CEP290: variants seen among roughly 807,000 people sequenced by gnomAD.
CEP290 encodes the protein centrosomal protein of 290 kDa.
CEP290 carries 317 observed loss-of-function variants against 344.9 expected under a neutral mutation model. The ratio of observed to expected loss-of-function variants is 0.92; its 90% confidence interval spans 0.84 to 1.01. The LOEUF (loss-of-function observed/expected upper bound fraction) is 1.01. Among genes scored for constraint, CEP290 ranks in the 50% least tolerant of loss-of-function variants. CEP290 has a pLI of 0.00. For missense variants in CEP290, 2,754 were observed against 2,761.4 expected (o/e 1.00, Z 0.06); for synonymous variants, 932 against 895.8 (o/e 1.04, Z -0.72).
At chr12:88,072,042 T>C (rs1356909664) in intron 41 of CEP290, 116 bp from the exon 42 acceptor site, 2 of 944,180 alleles carry the variant, frequency 2.1e-6, no homozygotes, top group South Asian at 2.1e-5. Flanking sequence ...CTAGAGAATA[T>C]GTAAATATGT....
intron 39 of CEP290, among the ~76,000 whole-genome samples, 171 bp downstream of exon 39, chr12:88,078,921 G>C (rs983516656): frequency 6.6e-6 from 1 of 151,998 alleles, no homozygotes; most frequent in Non-Finnish European, 1.5e-5. Flanking sequence ...CAGTAAATGA[G>C]TATCATAAAG....
intron 41 of CEP290, among the ~76,000 whole-genome samples, chr12:88,075,368 C>T (rs572018421): frequency 3.3e-5 from 5 of 152,068 alleles, no homozygotes; most frequent in South Asian, 2.1e-4. Context: ...TTTTCTGTAC[C>T]AAAAGCTTCG....
At position 88,061,818 on chromosome 12, in the gene CEP290, G is replaced by A. The variant is rs150407470; in HGVS notation, c.6358-824C>T. 1.6e-4 allele frequency among the ~76,000 whole-genome samples: 24 copies of A among 150,134 alleles called. No individual in the cohort carries two copies. The East Asian group carries it at 4.3e-3, about 27-fold the overall frequency. On this transcript the variant is annotated intron_variant, in intron 46 of 53. Coordinates refer to ENST00000552810, the MANE Select transcript of CEP290 (RefSeq NM_025114.4). ...TTAAAAGATGGAGTCTCGCTCTGTCGCCCAGGCTGGAGTACAGTTGTGTGA... is the reference window on the plus strand; with the variant it reads ...TTAAAAGATGGAGTCTCGCTCTGTCACCCAGGCTGGAGTACAGTTGTGTGA...
At chr12:88,086,297 A>G in intron 33 of CEP290, 94 bp downstream of exon 33, 2 of 1,417,098 alleles carry the variant, frequency 1.4e-6, no homozygotes, top group Non-Finnish European at 1.9e-6. Context: ...ACAATATAAC[A>G]TCAATTAAAA....
At chr12:88,101,982 C>A (rs964091794) in intron 26 of CEP290, among the ~76,000 whole-genome samples, 1 of 152,128 alleles carries the variant, frequency 6.6e-6, no homozygotes, top group Admixed American at 6.5e-5. Flanking sequence ...CTACTCAGAA[C>A]AACGTTTTCA....
chr12:88,055,514 C>A, intron 50 of CEP290, 62 bp downstream of exon 50: 2 of 1,418,000 alleles, frequency 1.4e-6, no homozygotes, highest in South Asian at 1.4e-5. Context: ...TAAGACAATG[C>A]AAGGAACATC....
In CEP290 at chr12:88,139,683, A is replaced by T. The variant is rs563843105; in HGVS notation, c.181-119T>A. Reference sequence around the variant, plus strand: ...TGCCAGCAATGGCTGGCACATGGAGACGTTCAGTAAATATTTGCTGAATAA... The same window carrying T: ...TGCCAGCAATGGCTGGCACATGGAGTCGTTCAGTAAATATTTGCTGAATAA... On this transcript the variant is annotated intron_variant, in intron 3 of 53. Transcript: ENST00000552810. 8.7e-6 allele frequency: 6 copies of T among 690,438 alleles called. No individual in the cohort carries two copies. In the South Asian group the frequency reaches 1.9e-4, roughly 22 times the overall value. 42.8% of individuals were successfully genotyped at this position (690,438 alleles called of 1,614,324 possible). A position where few individuals can be genotyped will look rare whatever the true frequency, so the allele number is the denominator to read the frequency against.
At chr12:88,091,123 A>C (rs2037003820) in intron 29 of CEP290, among the ~76,000 whole-genome samples, 1 of 152,134 alleles carries the variant, frequency 6.6e-6, no homozygotes, top group South Asian at 2.1e-4. Flanking sequence ...TATCATATAT[A>C]ATTATCTCAA....
chr12:88,070,069 T>C (rs2035251431), intron 43 of CEP290, among the ~76,000 whole-genome samples: 1 of 152,206 alleles, frequency 6.6e-6, no homozygotes, highest in Admixed American at 6.5e-5. Flanking sequence ...TATCAGAAGA[T>C]ATAACTTGGA....
intron 26 of CEP290, among the ~76,000 whole-genome samples, chr12:88,101,595 G>A (rs2037889247): frequency 6.7e-6 from 1 of 149,100 alleles, no homozygotes; most frequent in African/African-American, 2.5e-5. Flanking sequence ...AGAGGATGCA[G>A]TAAGCGTTAA....
intron 34 of CEP290, 93 bp from the exon 35 acceptor site, chr12:88,084,945 A>T: frequency 4.9e-6 from 5 of 1,019,220 alleles, no homozygotes; most frequent in Non-Finnish European, 6.9e-6. Context: ...GCCAAAAAAA[A>T]TTCACTTTAT....
chr12:88,059,745 G>A (rs1417202303), intron 48 of CEP290, among the ~76,000 whole-genome samples, 153 bp downstream of exon 48: 2 of 152,092 alleles, frequency 1.3e-5, no homozygotes, highest in South Asian at 2.1e-4. Context: ...TTTTCATGGT[G>A]GAATGTGATG....
At chr12:88,097,610 T>TACACACAC (rs34989046) in intron 26 of CEP290, among the ~76,000 whole-genome samples, 13 of 144,326 alleles carry the variant, frequency 9.0e-5, no homozygotes, top group Non-Finnish European at 1.4e-4. Context: ...CACACACACA[T>TACACACAC]ACACACACAC....
intron 46 of CEP290, among the ~76,000 whole-genome samples, chr12:88,062,067 C>A (rs1337172553): frequency 6.6e-6 from 1 of 152,194 alleles, no homozygotes; most frequent in East Asian, 1.9e-4. Context: ...GTGTGAGCCA[C>A]TGCCCCCGGC....
intron 20 of CEP290, among the ~76,000 whole-genome samples, chr12:88,112,409 G>A (rs376686500): frequency 1.3e-5 from 2 of 152,138 alleles, no homozygotes; most frequent in South Asian, 2.1e-4. Flanking sequence ...CCACATAGTT[G>A]AAGCATAAAT....
rs1236051586 is a variant in CEP290, at chr12:88,058,990, C to A, written c.6676G>T (p.Ala2226Ser). The change falls in exon 49 of 54, where the codon GCA (alanine) becomes TCA (serine). Residue 2226 changes from alanine (A) to serine (S), a missense_variant. By Grantham distance (99) the Ala-to-Ser change is moderately conservative. Transcript: ENST00000552810. ...ETDAAEKLRIAKNNLEILNEK... is the reference protein window; with the variant it reads ...ETDAAEKLRISKNNLEILNEK... ...TTTAATATCTCTAAATTATTCTTTG[C>A]TATCCGTAATTTCTCTGCAGCATCA... 1.2e-6 allele frequency: 2 copies of A among 1,612,178 alleles called. No homozygotes were observed. The highest frequency in any genetic ancestry group is 2.2e-5 in the South Asian group (2 of 90,524).
chr12:88,110,548 T>TA (rs913977616), intron 22 of CEP290, among the ~76,000 whole-genome samples: 10 of 150,100 alleles, frequency 6.7e-5, no homozygotes, highest in South Asian at 2.1e-4. Flanking sequence ...CCATCTCTAC[T>TA]AAAAAAAAAT....
At chr12:88,060,791 A>T (rs2034417891) in intron 47 of CEP290, 39 bp downstream of exon 47, 1 of 1,440,974 alleles carries the variant, frequency 6.9e-7, no homozygotes, top group Admixed American at 2.8e-5. Context: ...ACAAAACGTA[A>T]AATATTCCCC....
intron 48 of CEP290, 103 bp from the exon 49 acceptor site, chr12:88,059,123 C>T: frequency 1.1e-6 from 1 of 918,146 alleles, no homozygotes; most frequent in South Asian, 2.0e-5. Flanking sequence ...ACAAAAATAA[C>T]CTGGGGCTCT....
Sources: gnomAD v4.1 joint callset for allele counts (sites outside exome capture counted in the v4.1 genomes callset) on GRCh38, gnomAD v4.1.1 for gene constraint, MANE v1.5 for transcripts, NCBI Gene and HGNC (gene_info 2026-07-23, HGNC 2026-07-21) for gene names.